Variants in IARS2 observed in about 807,000 individuals in gnomAD.
IARS2 encodes isoleucyl-tRNA synthetase 2, mitochondrial.
A neutral mutation model predicts 126.3 loss-of-function variants in IARS2; 56 were observed. That is an observed-to-expected ratio of 0.44 (90% CI 0.36 to 0.55). The LOEUF is 0.55. Among genes scored for constraint, IARS2 ranks in the 20% least tolerant of loss-of-function variants. The pLI, the probability that IARS2 is intolerant of heterozygous loss-of-function variation, is 0.00. For synonymous variants in IARS2, 407 were observed against 441.1 expected (o/e 0.92, Z 0.97); for missense variants, 1,127 against 1,245.9 (o/e 0.90, Z 1.44).
chr1:220,095,995 T>C, intron 1 of IARS2, 109 bp from the exon 2 acceptor site: 1 of 642,592 alleles, frequency 1.6e-6, no homozygotes, highest in East Asian at 2.7e-5. Flanking sequence ...ATGGAATAGA[T>C]TGGAATGTAA....
intron 21 of IARS2, chr1:220,144,058 T>C: frequency 1.5e-6 from 2 of 1,327,210 alleles, no homozygotes; most frequent in East Asian, 2.3e-5. Flanking sequence ...GAAACCAAAC[T>C]GGCGGGATGG....
rs116730361 is a variant in IARS2, at chr1:220,132,230, C to T, written c.1838-2172C>T. ...GATTTAAGAAGAGTTTCCTCCTCTT[C>T]GATGCTCTGGAGTAGTTTGAGCAGA... On this transcript the variant is annotated intron_variant, in intron 14 of 22. Coordinates refer to ENST00000366922, the MANE Select transcript of IARS2 (RefSeq NM_018060.4). 5.5e-3 allele frequency among the ~76,000 whole-genome samples: 830 copies of T among 152,196 alleles called. 10 individuals are homozygous for T. The highest frequency in any genetic ancestry group is 0.019 in the African/African-American group (787 of 41,520).
chr1:220,119,126 T>C (rs979167648), intron 12 of IARS2, among the ~76,000 whole-genome samples: 65 of 152,298 alleles, frequency 4.3e-4, no homozygotes, highest in African/African-American at 1.5e-3. Context: ...TGCTGCTTAA[T>C]GTCCATAACA....
At position 220,139,139 on chromosome 1, in the gene IARS2, G is replaced by A; in HGVS notation, c.2307G>A (p.Lys769=). The change falls in exon 18 of 23, where the codon AAG becomes AAA. Residue 769 remains lysine, a splice_region_variant and synonymous_variant. Coordinates refer to ENST00000366922, the MANE Select transcript of IARS2 (RefSeq NM_018060.4). ...MLHLLQDLAN[K]ITELYKQYDF... ...ACTTACTGCAGGATTTGGCAAACAA[G>A]GTAAATGTAAATTAATAAACTTTTG... The A allele has an allele frequency of 6.2e-7, 1 of 1,600,160 alleles. No individual in the cohort carries two copies. Among genetic ancestry groups the A allele is most frequent in the African/African-American group, 1.3e-5 (1 of 74,452 alleles).
chr1:220,132,061 G>T (rs1657281682), intron 14 of IARS2, among the ~76,000 whole-genome samples: 2 of 152,142 alleles, frequency 1.3e-5, no homozygotes, highest in South Asian at 4.1e-4. Flanking sequence ...CTCCCAAAGT[G>T]TTGGTATTAC....
chr1:220,112,062 A>G (rs1656814221), intron 11 of IARS2, among the ~76,000 whole-genome samples: 1 of 151,804 alleles, frequency 6.6e-6, no homozygotes, highest in Non-Finnish European at 1.5e-5. Flanking sequence ...CCCATCACTC[A>G]GTTTCAACAA....
rs781311581 is a variant in IARS2 at position 220,125,333 on chromosome 1, A to G, written c.1737A>G (p.Leu579=). 6.2e-7 allele frequency: 1 copy of G among 1,600,202 alleles called. No homozygotes were observed. The highest frequency in any genetic ancestry group is 1.1e-5 in the South Asian group (1 of 90,788). Residue 579 remains leucine (L), a synonymous_variant, in exon 13 of 23, where the codon TTA becomes TTG. Transcript: ENST00000366922. ...AACAACTTCTTCCAAAAGAAGTCTTATCTGAGGTAAATTTCTGTTTGTATT... is the reference window on the plus strand; with the variant it reads ...AACAACTTCTTCCAAAAGAAGTCTTGTCTGAGGTAAATTTCTGTTTGTATT... ...PPEQLLPKEV[L]SEVGGPDALE...
intron 15 of IARS2, among the ~76,000 whole-genome samples, chr1:220,136,165 T>G (rs1657371318): frequency 6.6e-6 from 1 of 152,208 alleles, no homozygotes; most frequent in African/African-American, 2.4e-5. Flanking sequence ...GGAGTCTTAC[T>G]CTGTCTCCCA....
chr1:220,135,410 G>C (rs1272411150), intron 15 of IARS2, among the ~76,000 whole-genome samples: 5 of 151,914 alleles, frequency 3.3e-5, no homozygotes, highest in Admixed American at 6.6e-5. Context: ...GCCTAGGCTG[G>C]AGTGCAGTGG....
At chr1:220,145,733 G>T in intron 22 of IARS2, 80 bp downstream of exon 22, 1 of 1,199,660 alleles carries the variant, frequency 8.3e-7, no homozygotes, top group Non-Finnish European at 1.2e-6. Flanking sequence ...CAGTGGACTG[G>T]GTTTATTCTA....
At chr1:220,116,965 C>T (rs183616366) in intron 12 of IARS2, among the ~76,000 whole-genome samples, 68 of 151,868 alleles carry the variant, frequency 4.5e-4, no homozygotes, top group African/African-American at 1.3e-3. Flanking sequence ...AGGCTGGTCT[C>T]GAACTCCTGG....
intron 8 of IARS2, 115 bp from the exon 9 acceptor site, chr1:220,105,776 C>A: frequency 1.2e-6 from 1 of 800,622 alleles, no homozygotes; most frequent in South Asian, 1.7e-5. Flanking sequence ...GGAATTTAAG[C>A]CTAGCCAGTA....
intron 20 of IARS2, among the ~76,000 whole-genome samples, chr1:220,142,241 G>T (rs1657504331): frequency 6.6e-6 from 1 of 152,196 alleles, no homozygotes; most frequent in East Asian, 1.9e-4. Flanking sequence ...GCTCACACCT[G>T]TAATCCCAGC....
Position 220,110,916 on chromosome 1 carries a change from G to A in IARS2, c.1458G>A (p.Thr486=), listed in dbSNP as rs749564194. 5.6e-6 allele frequency: 9 copies of A among 1,612,526 alleles called. No individual in the cohort carries two copies. The highest frequency in any genetic ancestry group is 4.4e-5 in the South Asian group (4 of 90,582). Residue 486 remains threonine (T), a synonymous_variant, in exon 11 of 23, where the codon ACG becomes ACA. Transcript: ENST00000366922. Reference sequence around the variant, plus strand: ...GCAAGCAGTGGTTTATAAACATCACGGATATTAAGACTGCAGCCAAGGTAT... The same window carrying A: ...GCAAGCAGTGGTTTATAAACATCACAGATATTAAGACTGCAGCCAAGGTAT... The part of the protein sequence containing the change: ...RASKQWFINI[T]DIKTAAKELL...
intron 8 of IARS2, among the ~76,000 whole-genome samples, chr1:220,104,527 G>C (rs780257962): frequency 2.6e-5 from 4 of 152,050 alleles, no homozygotes; most frequent in Non-Finnish European, 5.9e-5. Context: ...GGGACTACAA[G>C]TGTGTGCCAC....
At position 220,107,069 on chromosome 1, in the gene IARS2, A is replaced by G. The variant is rs764056377; in HGVS notation, c.1245A>G (p.Leu415=). The change falls in exon 10 of 23, where the codon CTA becomes CTG. Residue 415 remains leucine (L), a synonymous_variant. Coordinates refer to ENST00000366922, the MANE Select transcript of IARS2 (RefSeq NM_018060.4). ...AAAATGATACTTTATAGGATTGTCT[A>G]GTGGACGAAGATGGAGTTTTCACAG... is the stretch of plus-strand genomic sequence containing the variant. The part of the protein sequence containing the change: ...ASQHNLPMDC[L]VDEDGVFTDV... The G allele has an allele frequency of 1.9e-6, 3 of 1,605,024 alleles. No individual in the cohort carries two copies. The highest frequency in any genetic ancestry group is 2.6e-6 in the Non-Finnish European group (3 of 1,171,722).
At chr1:220,118,978 C>A (rs1391480297) in intron 12 of IARS2, among the ~76,000 whole-genome samples, 1 of 152,110 alleles carries the variant, frequency 6.6e-6, no homozygotes, top group East Asian at 1.9e-4. Context: ...AACATTTAGC[C>A]TCTTACCTCA....
At chr1:220,105,428 A>G (rs1262246528) in intron 8 of IARS2, among the ~76,000 whole-genome samples, 2 of 152,160 alleles carry the variant, frequency 1.3e-5, no homozygotes, top group Admixed American at 6.6e-5. Context: ...GAGTCACCAT[A>G]TTGTGGAGGA....
At chr1:220,131,121 C>A (rs1041419264) in intron 14 of IARS2, among the ~76,000 whole-genome samples, 4 of 151,968 alleles carry the variant, frequency 2.6e-5, no homozygotes, top group Non-Finnish European at 5.9e-5. Flanking sequence ...ATGAATTTTT[C>A]TGTTTCTGTG....
Sources: gnomAD v4.1 joint callset for allele counts (sites outside exome capture counted in the v4.1 genomes callset) on GRCh38, gnomAD v4.1.1 for gene constraint, MANE v1.5 for transcripts, NCBI Gene and HGNC (gene_info 2026-07-23, HGNC 2026-07-21) for gene names.